SIM1: variants seen among roughly 807,000 people sequenced by gnomAD.
SIM1 encodes the protein single-minded homolog 1.
Under a neutral mutation model 78.2 loss-of-function variants are expected in SIM1, and 18 were observed. That is an observed-to-expected ratio of 0.23 (90% CI 0.16 to 0.34). The LOEUF (loss-of-function observed/expected upper bound fraction) is 0.34, where lower values mean the gene tolerates loss of function less well. Ranked by LOEUF, SIM1 falls within the 10% of genes least tolerant of loss-of-function variation. The pLI is 1.00. For missense variants in SIM1, 939 were observed against 975.1 expected, an observed-to-expected ratio of 0.96 and a Z score of 0.49; for synonymous variants, 417 against 385.2, an observed-to-expected ratio of 1.08 and a Z score of -0.97.
chr6:100,454,808 C>G (rs1462124537), intron 2 of SIM1, among the ~76,000 whole-genome samples: 5 of 152,052 alleles, frequency 3.3e-5, no homozygotes, highest in Non-Finnish European at 7.4e-5. Flanking sequence ...GCTAGAGTAC[C>G]CTTTTGCGGA....
Position 100,387,913 on chromosome 6 carries a change from C to T in SIM1, c.*2448G>A, listed in dbSNP as rs1255024606. ...TTTCTTTTAGCTTCTGTCCCTGGCACATTTGGTAGAATATATAGCCACCAG... is the reference window on the plus strand; with the variant it reads ...TTTCTTTTAGCTTCTGTCCCTGGCATATTTGGTAGAATATATAGCCACCAG... On this transcript the variant is annotated 3_prime_UTR_variant, in exon 12 of 12. Coordinates refer to ENST00000369208, the MANE Select transcript of SIM1 (RefSeq NM_005068.3). The T allele has an allele frequency of 1.3e-5, 2 of 152,032 alleles. No homozygotes were observed. The highest frequency in any genetic ancestry group is 4.8e-5 in the African/African-American group (2 of 41,418). The allele number at this position is 152,032 out of a possible 1,614,324, so 9.4% of individuals were successfully genotyped here.
In SIM1 at chr6:100,390,337, A is replaced by G; in HGVS notation, c.*24T>C. The G allele has an allele frequency of 1.9e-6, 3 of 1,597,414 alleles. No homozygotes were observed. Among genetic ancestry groups the G allele is most frequent in the Non-Finnish European group, 2.6e-6 (3 of 1,172,010 alleles). ...ATAAATATGTTTCAGAGATCCTTAA[A>G]GAACAAAATATTTCAGCAAAACATC... is the stretch of plus-strand genomic sequence containing the variant. On this transcript the variant is annotated 3_prime_UTR_variant, in exon 12 of 12. Coordinates refer to ENST00000369208, the MANE Select transcript of SIM1 (RefSeq NM_005068.3).
At chr6:100,433,203 G>A (rs1031380267) in intron 9 of SIM1, among the ~76,000 whole-genome samples, 14 of 152,122 alleles carry the variant, frequency 9.2e-5, no homozygotes, top group African/African-American at 2.2e-4. Context: ...TGTCATGCCC[G>A]TGTGCAGAAT....
Position 100,390,641 on chromosome 6 carries a change from G to T in SIM1, c.2021C>A (p.Ala674Asp), listed in dbSNP as rs1770613771. Reference sequence around the variant, plus strand: ...TATATCCGAATGCAGATAGTCTTTAGCTAGGATCAAACTGGATTTTGAAAT... The same window carrying T: ...TATATCCGAATGCAGATAGTCTTTATCTAGGATCAAACTGGATTTTGAAAT... ...DRISKSSLIL[A>D]KDYLHSDISP... Residue 674 changes from alanine to aspartate, a missense_variant, in exon 12 of 12, where the codon GCT becomes GAT. By Grantham distance (126) the Ala-to-Asp change is moderately radical. Transcript: ENST00000369208. The T allele has an allele frequency of 6.2e-7, 1 of 1,614,046 alleles. No homozygotes were observed. The highest frequency in any genetic ancestry group is 8.5e-7 in the Non-Finnish European group (1 of 1,180,026).
chr6:100,390,578 G>A lies in SIM1; in HGVS notation c.2084C>T (p.Ser695Phe). The change falls in exon 12 of 12, where the codon TCT becomes TTT. Residue 695 changes from serine (S) to phenylalanine (F), a missense_variant. Physicochemically the swap from Ser to Phe is radical, Grantham distance 155 (BLOSUM62 -2). Coordinates refer to ENST00000369208, the MANE Select transcript of SIM1 (RefSeq NM_005068.3). The part of the protein sequence containing the change: ...HQTAGDHPTV[S>F]PNCFGSHRQY... ...CCGGTGAGAGCCAAAGCAGTTTGGA[G>A]AGACAGTAGGGTGGTCTCCTGCTGT... The A allele has an allele frequency of 6.2e-7, 1 of 1,614,200 alleles. No individual in the cohort carries two copies. Among genetic ancestry groups the A allele is most frequent in the Non-Finnish European group, 8.5e-7 (1 of 1,180,040 alleles).
Position 100,390,651 on chromosome 6 carries a change from A to C in SIM1, c.2011T>G (p.Leu671Val). 1 of 1,614,164 alleles carries C rather than the reference A, an allele frequency of 6.2e-7. No homozygotes were observed. The highest frequency in any genetic ancestry group is 8.5e-7 in the Non-Finnish European group (1 of 1,180,036). Residue 671 changes from leucine to valine, a missense_variant, in exon 12 of 12, where the codon TTG (leucine) becomes GTG (valine). Physicochemically the swap from Leu to Val is conservative, Grantham distance 32 (BLOSUM62 1). Coordinates refer to ENST00000369208, the MANE Select transcript of SIM1 (RefSeq NM_005068.3). ...TGCAGATAGTCTTTAGCTAGGATCA[A>C]ACTGGATTTTGAAATGCGATCCGAA... ...PNSDRISKSS[L>V]ILAKDYLHSD...
chr6:100,398,846 T>C (rs1770833554), intron 10 of SIM1, among the ~76,000 whole-genome samples: 1 of 152,134 alleles, frequency 6.6e-6, no homozygotes, highest in East Asian at 1.9e-4. Context: ...CCTGCCGTGC[T>C]GTTTTTCATA....
intron 10 of SIM1, among the ~76,000 whole-genome samples, chr6:100,417,523 T>G (rs1028012629): frequency 1.3e-5 from 2 of 152,180 alleles, no homozygotes; most frequent in African/African-American, 4.8e-5. Flanking sequence ...TAAAAGTGAA[T>G]TATTCCTTAA....
At position 100,387,313 on chromosome 6, in the gene SIM1, T is replaced by C. The variant is rs1392425086; in HGVS notation, c.*3048A>G. 1 of 152,086 alleles carries C rather than the reference T, an allele frequency of 6.6e-6. No homozygotes were observed. Among genetic ancestry groups the C allele is most frequent in the Non-Finnish European group, 1.5e-5 (1 of 67,936 alleles). 9.4% of individuals were successfully genotyped at this position (152,086 alleles called of 1,614,324 possible). A position where few individuals can be genotyped will look rare whatever the true frequency, so the allele number is the denominator to read the frequency against. ...GAATTAAAACTAAAGCCATATTAAGTTTAACTGATTAAATTATCGGGAACG... is the reference window on the plus strand; with the variant it reads ...GAATTAAAACTAAAGCCATATTAAGCTTAACTGATTAAATTATCGGGAACG... On this transcript the variant is annotated 3_prime_UTR_variant, in exon 12 of 12. Transcript: ENST00000369208.
chr6:100,441,269 G>C (rs1772208519), intron 9 of SIM1, among the ~76,000 whole-genome samples: 1 of 152,160 alleles, frequency 6.6e-6, no homozygotes, highest in African/African-American at 2.4e-5. Context: ...AGTGCCAAGG[G>C]GCCAGAGGAT....
rs1391971410 is a variant in SIM1, at chr6:100,448,655, C to A, written c.567G>T (p.Leu189Phe). ...TGTCCAGGCTGTACTGGCGGATCTT[C>A]AAGTAGCCGCTGCAGTGGATGACCT... is the stretch of plus-strand genomic sequence containing the variant. ...GYKVIHCSGY[L>F]KIRQYSLDMS... Residue 189 changes from leucine (L) to phenylalanine (F), a missense_variant, in exon 7 of 12, where the codon TTG becomes TTT. Transcript: ENST00000369208. 2 of 1,612,206 alleles carry A rather than the reference C, an allele frequency of 1.2e-6. No individual in the cohort carries two copies. The highest frequency in any genetic ancestry group is 3.3e-5 in the Admixed American group (2 of 60,020).
At chr6:100,443,938 CAA>C (rs1454689603) in intron 9 of SIM1, among the ~76,000 whole-genome samples, 4 of 151,964 alleles carry the variant, frequency 2.6e-5, no homozygotes, top group Admixed American at 2.0e-4. Context: ...TTTATATTTG[CAA>C]AGTTTATGTT....
At chr6:100,448,454 G>A (rs1772420704) in intron 7 of SIM1, 25 bp downstream of exon 7, 15 of 1,608,882 alleles carry the variant, frequency 9.3e-6, no homozygotes, top group Non-Finnish European at 1.3e-5. Context: ...GCTAGGAGAG[G>A]CCCTTTCCGG....
At chr6:100,394,257 C>A (rs575249037) in intron 10 of SIM1, among the ~76,000 whole-genome samples, 1 of 152,172 alleles carries the variant, frequency 6.6e-6, no homozygotes, top group Non-Finnish European at 1.5e-5. Flanking sequence ...GATAGAGAAG[C>A]TAACGCTCAG....
In SIM1 at chr6:100,386,103, G is replaced by A. The variant is rs949024976; in HGVS notation, c.*4258C>T. On this transcript the variant is annotated 3_prime_UTR_variant, in exon 12 of 12. Transcript: ENST00000369208. ...AAAACTTGACATTTACATAAACGTT[G>A]AATCATTTATTTGGAGGACCATAGG... 2.0e-5 allele frequency: 3 copies of A among 152,080 alleles called. No homozygotes were observed. Among genetic ancestry groups the A allele is most frequent in the Non-Finnish European group, 4.4e-5 (3 of 67,872 alleles). The allele number at this position is 152,080 out of a possible 1,614,324, so 9.4% of individuals were successfully genotyped here. A position where few individuals can be genotyped will look rare whatever the true frequency, so the allele number is the denominator to read the frequency against.
At chr6:100,401,305 T>C (rs1030308902) in intron 10 of SIM1, among the ~76,000 whole-genome samples, 2 of 152,110 alleles carry the variant, frequency 1.3e-5, no homozygotes, top group African/African-American at 4.8e-5. Flanking sequence ...GAAAGAGGCA[T>C]GAAAATTAAA....
At position 100,390,949 on chromosome 6, in the gene SIM1, A is replaced by T. The variant is rs1582598694; in HGVS notation, c.1713T>A (p.Thr571=). 6.2e-7 allele frequency: 1 copy of T among 1,614,040 alleles called. No individual in the cohort carries two copies. Among genetic ancestry groups the T allele is most frequent in the Non-Finnish European group, 8.5e-7 (1 of 1,180,008 alleles). Residue 571 remains threonine (T), a synonymous_variant, in exon 12 of 12, where the codon ACT becomes ACA. Coordinates refer to ENST00000369208, the MANE Select transcript of SIM1 (RefSeq NM_005068.3). ...TCTCTTCTTCTTTAATCATTTGCTGAGTGGCTCTTATAAGAGTTTCAATTT... is the reference window on the plus strand; with the variant it reads ...TCTCTTCTTCTTTAATCATTTGCTGTGTGGCTCTTATAAGAGTTTCAATTT... ...PSKIETLIRA[T]QQMIKEEENR...
chr6:100,406,187 A>G (rs927088089), intron 10 of SIM1, among the ~76,000 whole-genome samples: 1 of 152,180 alleles, frequency 6.6e-6, no homozygotes, highest in African/African-American at 2.4e-5. Context: ...CAGTAGCACT[A>G]ATTTTAATTT....
At chr6:100,400,331 C>G (rs1280107644) in intron 10 of SIM1, among the ~76,000 whole-genome samples, 1 of 151,880 alleles carries the variant, frequency 6.6e-6, no homozygotes, top group East Asian at 1.9e-4. Flanking sequence ...GATGCCCAAT[C>G]ATCAAAATCA....
Sources: allele counts gnomAD v4.1 joint callset (sites outside exome capture counted in the v4.1 genomes callset), GRCh38; gene constraint gnomAD v4.1.1; transcripts MANE v1.5; gene names NCBI Gene and HGNC (gene_info 2026-07-23, HGNC 2026-07-21).